Variants in HCN1 observed in about 807,000 individuals in gnomAD.
HCN1 encodes hyperpolarization activated cyclic nucleotide gated potassium channel 1.
HCN1 carries 13 observed loss-of-function variants against 78.9 expected under a neutral mutation model. That is an observed-to-expected ratio of 0.16 (90% CI 0.11 to 0.26). The LOEUF (loss-of-function observed/expected upper bound fraction) is 0.26, where lower values mean the gene tolerates loss of function less well. Ranked by LOEUF, HCN1 falls within the 10% of genes least tolerant of loss-of-function variation. HCN1 has a pLI of 1.00. For missense variants in HCN1, 810 were observed against 1,154.3 expected (o/e 0.70, Z 4.32); for synonymous variants, 552 against 455.5 (o/e 1.21, Z -2.70).
chr5:45,597,099 C>G (rs181564283), intron 2 of HCN1, among the ~76,000 whole-genome samples: 1 of 152,112 alleles, frequency 6.6e-6, no homozygotes, highest in Non-Finnish European at 1.5e-5. Flanking sequence ...CAAAGCCTAG[C>G]AGAGACACAA....
chr5:45,408,724 G>C (rs563878714), intron 3 of HCN1, among the ~76,000 whole-genome samples: 1 of 152,236 alleles, frequency 6.6e-6, no homozygotes, highest in South Asian at 2.1e-4. Flanking sequence ...TCTCAAATTA[G>C]TAGATCATCT....
chr5:45,446,770 T>C (rs1416600136), intron 3 of HCN1, among the ~76,000 whole-genome samples: 2 of 152,076 alleles, frequency 1.3e-5, no homozygotes, highest in Admixed American at 1.3e-4. Context: ...ACCCAGAATT[T>C]CATATCCAGC....
At chr5:45,453,031 G>T (rs1414110458) in intron 3 of HCN1, among the ~76,000 whole-genome samples, 1 of 151,994 alleles carries the variant, frequency 6.6e-6, no homozygotes, top group Non-Finnish European at 1.5e-5. Flanking sequence ...GGATAAAAAT[G>T]AGATGGAATA....
At chr5:45,690,044 A>T (rs1453511317) in intron 1 of HCN1, among the ~76,000 whole-genome samples, 2 of 152,106 alleles carry the variant, frequency 1.3e-5, no homozygotes, top group Non-Finnish European at 2.9e-5. Context: ...CCTGAACTTT[A>T]GCCAAAACAA....
chr5:45,495,832 G>A (rs1416171916), intron 2 of HCN1, among the ~76,000 whole-genome samples: 1 of 152,132 alleles, frequency 6.6e-6, no homozygotes, highest in East Asian at 1.9e-4. Flanking sequence ...TTTTGTCAAA[G>A]GCATTTTCTG....
intron 2 of HCN1, among the ~76,000 whole-genome samples, chr5:45,638,584 C>G (rs1459690323): frequency 6.6e-6 from 1 of 152,154 alleles, no homozygotes; most frequent in Non-Finnish European, 1.5e-5. Context: ...TATATATACA[C>G]CACGCACACC....
chr5:45,449,522 T>C (rs1347402656), intron 3 of HCN1, among the ~76,000 whole-genome samples: 2 of 152,178 alleles, frequency 1.3e-5, no homozygotes, highest in Admixed American at 1.3e-4. Flanking sequence ...TCTTTTCCAG[T>C]TCTAAGGTGT....
chr5:45,602,829 C>A (rs911802435), intron 2 of HCN1, among the ~76,000 whole-genome samples: 4 of 152,038 alleles, frequency 2.6e-5, no homozygotes, highest in African/African-American at 7.2e-5. Flanking sequence ...AATTTAGGTT[C>A]TTTTGTGATC....
At chr5:45,396,457 G>C (rs889329707) in intron 4 of HCN1, 35 bp downstream of exon 4, 1 of 1,537,478 alleles carries the variant, frequency 6.5e-7, no homozygotes, top group South Asian at 1.1e-5. Flanking sequence ...CAGGTTAGCT[G>C]GTTAAAGACA....
chr5:45,472,898 C>T (rs1438156727), intron 2 of HCN1, among the ~76,000 whole-genome samples: 1 of 151,810 alleles, frequency 6.6e-6, no homozygotes, highest in Non-Finnish European at 1.5e-5. Context: ...TCATTGTGGT[C>T]TGTCCTCATT....
At chr5:45,364,503 C>G (rs765252508) in intron 4 of HCN1, among the ~76,000 whole-genome samples, 3 of 152,050 alleles carry the variant, frequency 2.0e-5, no homozygotes, top group Non-Finnish European at 4.4e-5. Flanking sequence ...CTTTAAACAT[C>G]TACCCTTACA....
At chr5:45,547,454 C>T (rs894326847) in intron 2 of HCN1, among the ~76,000 whole-genome samples, 12 of 151,828 alleles carry the variant, frequency 7.9e-5, no homozygotes, top group Admixed American at 2.0e-4. Flanking sequence ...GCGGAGTATG[C>T]GTTTAATACT....
At chr5:45,546,054 A>G (rs1435589197) in intron 2 of HCN1, among the ~76,000 whole-genome samples, 3 of 152,060 alleles carry the variant, frequency 2.0e-5, no homozygotes, top group African/African-American at 7.2e-5. Flanking sequence ...ATCTGTATCT[A>G]CATTTGTAAC....
At chr5:45,304,261 T>G (rs1467838574) in intron 5 of HCN1, among the ~76,000 whole-genome samples, 1 of 151,790 alleles carries the variant, frequency 6.6e-6, no homozygotes, top group Non-Finnish European at 1.5e-5. Flanking sequence ...TGCTCCTTTT[T>G]GTCTGGGCCC....
intron 2 of HCN1, among the ~76,000 whole-genome samples, chr5:45,602,645 G>A (rs1744647384): frequency 6.6e-6 from 1 of 152,076 alleles, no homozygotes; most frequent in Admixed American, 6.6e-5. Context: ...TATGATTGCT[G>A]ACCAAGAAAA....
At chr5:45,582,217 TC>T (rs1744094986) in intron 2 of HCN1, among the ~76,000 whole-genome samples, 1 of 152,198 alleles carries the variant, frequency 6.6e-6, no homozygotes, top group Non-Finnish European at 1.5e-5. Flanking sequence ...TTTGTAGTTC[TC>T]CTTGAAGAGG....
At chr5:45,551,671 T>A (rs1157888239) in intron 2 of HCN1, among the ~76,000 whole-genome samples, 1 of 152,024 alleles carries the variant, frequency 6.6e-6, no homozygotes, top group African/African-American at 2.4e-5. Context: ...TATTATATTC[T>A]ACTTAGCAGT....
At position 45,275,841 on chromosome 5, in the gene HCN1, TTCTA is replaced by T. The variant is rs566760887; in HGVS notation, c.1619-8592_1619-8589del. On this transcript the variant is annotated intron_variant, in intron 6 of 7. Transcript: ENST00000303230. The stretch of plus-strand genomic sequence containing the variant: ...AAGGGTAAAACCACAATTTTTCTGC[TTCTA>T]TCTGTCTTTAAAAATTCACCAGACC... 7.9e-5 allele frequency among the ~76,000 whole-genome samples: 12 copies of T among 152,260 alleles called. No homozygotes were observed. In the South Asian group the frequency reaches 1.0e-3, roughly 13 times the overall value.
intron 2 of HCN1, among the ~76,000 whole-genome samples, chr5:45,496,814 C>G (rs1742044182): frequency 6.6e-6 from 1 of 152,078 alleles, no homozygotes; most frequent in Admixed American, 6.6e-5. Context: ...AATTTTGGAT[C>G]TTTCCTGCTT....
Sources: gnomAD v4.1 joint callset for allele counts (sites outside exome capture counted in the v4.1 genomes callset) on GRCh38, gnomAD v4.1.1 for gene constraint, MANE v1.5 for transcripts, NCBI Gene and HGNC (gene_info 2026-07-23, HGNC 2026-07-21) for gene names.